Variants in ATP8B4 observed in about 807,000 individuals in gnomAD.
ATP8B4 encodes ATPase phospholipid transporting 8B4 (putative), also known as probable phospholipid-transporting ATPase IM.
In ATP8B4, 133 loss-of-function variants were observed where a neutral mutation model predicts 145.6. The observed-to-expected ratio is 0.91, with a 90% CI of 0.79 to 1.05. ATP8B4 has a LOEUF of 1.05. ATP8B4 is among the 50% of genes least tolerant of loss of function. The pLI is 0.00. For missense variants in ATP8B4, 1,458 were observed against 1,425.2 expected, an observed-to-expected ratio of 1.02 and a Z score of -0.37; for synonymous variants, 507 against 492.9, an observed-to-expected ratio of 1.03 and a Z score of -0.38.
At chr15:50,007,648 G>T (rs193091907) in intron 7 of ATP8B4, among the ~76,000 whole-genome samples, 5 of 152,240 alleles carry the variant, frequency 3.3e-5, no homozygotes, top group Admixed American at 1.3e-4. Context: ...TCATGACCTG[G>T]TTTCCCCCAA....
At chr15:50,133,304 C>A (rs1432258155) in intron 1 of ATP8B4, among the ~76,000 whole-genome samples, 1 of 152,066 alleles carries the variant, frequency 6.6e-6, no homozygotes, top group Non-Finnish European at 1.5e-5. Context: ...ACTCACTGGG[C>A]ATAGTGGCCG....
At position 49,861,473 on chromosome 15, in the gene ATP8B4, T is replaced by TCTATCTATCTATCTACCTAC. The variant is rs1285604644; in HGVS notation, c.3297+771_3297+772insGTAGGTAGATAGATAGATAG. 5.3e-3 allele frequency among the ~76,000 whole-genome samples: 715 copies of TCTATCTATCTATCTACCTAC among 135,592 alleles called. 14 individuals are homozygous for TCTATCTATCTATCTACCTAC. The highest frequency in any genetic ancestry group is 0.02 in the African/African-American group (663 of 33,774). 89.0% of individuals were successfully genotyped at this position (135,592 alleles called of 152,430 possible). On this transcript the variant is annotated intron_variant, in intron 27 of 27. Transcript: ENST00000284509. ...GTCTGTCTATCTATCTATCTATCTA[T>TCTATCTATCTATCTACCTAC]CTACCTACCTACCTACCTACCTACC... is the stretch of plus-strand genomic sequence containing the variant.
chr15:50,121,649 G>A (rs1040255671), upstream of ATP8B4, among the ~76,000 whole-genome samples: 7 of 151,598 alleles, frequency 4.6e-5, no homozygotes, highest in African/African-American at 1.7e-4. Flanking sequence ...TTAAATTCTC[G>A]ATTTAGGATA....
chr15:50,117,406 T>A (rs1167635508), intron 1 of ATP8B4, among the ~76,000 whole-genome samples: 1 of 152,172 alleles, frequency 6.6e-6, no homozygotes, highest in Non-Finnish European at 1.5e-5. Flanking sequence ...TACTTTTAGA[T>A]GGTTAGTTAA....
At chr15:50,055,303 T>A (rs928935265) in intron 3 of ATP8B4, among the ~76,000 whole-genome samples, 1 of 152,194 alleles carries the variant, frequency 6.6e-6, no homozygotes, top group African/African-American at 2.4e-5. Context: ...CTAAGTCAAT[T>A]TGAGTTGGTT....
At chr15:49,973,495 G>C (rs1337164353) in intron 12 of ATP8B4, among the ~76,000 whole-genome samples, 1 of 152,174 alleles carries the variant, frequency 6.6e-6, no homozygotes, top group Non-Finnish European at 1.5e-5. Flanking sequence ...TTTGCCAAAA[G>C]AGATAGAAAA....
At chr15:49,978,120 G>T (rs74349500) in intron 12 of ATP8B4, among the ~76,000 whole-genome samples, 1 of 152,142 alleles carries the variant, frequency 6.6e-6, no homozygotes, top group African/African-American at 2.4e-5. Flanking sequence ...GTACTTCAAA[G>T]AAAGAATGTA....
intron 24 of ATP8B4, chr15:49,876,783 C>A: frequency 4.9e-6 from 3 of 617,020 alleles, no homozygotes; most frequent in African/African-American, 1.8e-5. Flanking sequence ...GTAGCAGAAC[C>A]AGGGCTTGGT....
intron 9 of ATP8B4, among the ~76,000 whole-genome samples, chr15:49,993,803 A>G (rs576113652): frequency 6.6e-6 from 1 of 152,284 alleles, no homozygotes; most frequent in Non-Finnish European, 1.5e-5. Context: ...CCAGAAGTGT[A>G]CCAGCCTCAT....
chr15:49,865,706 T>C (rs1174545672), intron 26 of ATP8B4, among the ~76,000 whole-genome samples: 1 of 152,228 alleles, frequency 6.6e-6, no homozygotes, highest in African/African-American at 2.4e-5. Flanking sequence ...AAGTCTTCTG[T>C]GTTGCTTGCT....
rs2031201995 is a variant in ATP8B4, at chr15:49,859,248, A to ATTTTAAAATAATTGTTTTAAAAT, written c.*945_*946insATTTTAAAACAATTATTTTAAAA. 1 of 152,262 alleles carries ATTTTAAAATAATTGTTTTAAAAT rather than the reference A, an allele frequency of 6.6e-6. No homozygotes were observed. The highest frequency in any genetic ancestry group is 6.5e-5 in the Admixed American group (1 of 15,290). The allele number at this position is 152,262 out of a possible 1,614,324, so 9.4% of individuals were successfully genotyped here. On this transcript the variant is annotated 3_prime_UTR_variant, in exon 28 of 28. Coordinates refer to ENST00000284509, the MANE Select transcript of ATP8B4 (RefSeq NM_024837.4). ...AAACCTGAGTTTTTAAATAGTAATT[A>ATTTTAAAATAATTGTTTTAAAAT]AAACAATTATTTATTAATTTGTTTG...
At chr15:49,931,019 T>C in intron 16 of ATP8B4, 100 bp downstream of exon 16, 1 of 1,312,612 alleles carries the variant, frequency 7.6e-7, no homozygotes, top group South Asian at 1.5e-5. Flanking sequence ...TTCAAAACTA[T>C]CACAACCCTC....
chr15:49,956,253 C>G (rs1334806593), intron 14 of ATP8B4, among the ~76,000 whole-genome samples: 2 of 151,964 alleles, frequency 1.3e-5, no homozygotes, highest in Non-Finnish European at 2.9e-5. Context: ...ACACTTTATC[C>G]AAGTATATGA....
At chr15:50,023,757 C>A (rs1425484909) in intron 6 of ATP8B4, among the ~76,000 whole-genome samples, 1 of 122,772 alleles carries the variant, frequency 8.1e-6, no homozygotes, top group African/African-American at 3.0e-5. Flanking sequence ...CCTCTGCACC[C>A]ACAAAAAATT....
At chr15:50,144,320 C>T (rs555634410) in intron 1 of ATP8B4, among the ~76,000 whole-genome samples, 7 of 152,260 alleles carry the variant, frequency 4.6e-5, no homozygotes, top group Admixed American at 1.3e-4. Context: ...TTTGCATTCA[C>T]AGTGTATTAG....
At position 50,075,940 on chromosome 15, in the gene ATP8B4, G is replaced by T. The variant is rs189340090; in HGVS notation, c.29-1755C>A. Among the ~76,000 whole-genome samples, 235 of 152,316 alleles carry T rather than the reference G, an allele frequency of 1.5e-3. No homozygotes were observed. In the Middle Eastern group the frequency reaches 0.031, roughly 20 times the overall value. On this transcript the variant is annotated intron_variant, in intron 2 of 27. Transcript: ENST00000284509. ...AAAAAATGTTACTGGGATGGTAGGA[G>T]CGAGGGCTCTTCCTGCATGGCAAAA...
intron 3 of ATP8B4, among the ~76,000 whole-genome samples, chr15:50,057,796 G>A (rs1056036871): frequency 1.3e-5 from 2 of 152,150 alleles, no homozygotes; most frequent in Non-Finnish European, 2.9e-5. Context: ...GCTAGTAAAT[G>A]GCCTAGGAAT....
chr15:49,981,209 T>C lies in ATP8B4; in HGVS notation c.834A>G (p.Leu278=), dbSNP rs757005760. The change falls in exon 11 of 28, where the codon CTA becomes CTG. Residue 278 remains leucine, a synonymous_variant. Transcript: ENST00000284509. ...ATTGCCTAGTTTTGTAACTTACCCATAGTACTAGAGTATTCATCAATCTAT... is the reference window on the plus strand; with the variant it reads ...ATTGCCTAGTTTTGTAACTTACCCACAGTACTAGAGTATTCATCAATCTAT... ...SIDRLMNTLV[L]WIFGFLICLG... 1.3e-6 allele frequency: 2 copies of C among 1,584,776 alleles called. No individual in the cohort carries two copies.
chr15:50,145,227 AT>A, intron 1 of ATP8B4, among the ~76,000 whole-genome samples: 1 of 152,330 alleles, frequency 6.6e-6, no homozygotes, highest in Middle Eastern at 3.4e-3. Context: ...CAATAAAGAG[AT>A]TTTAATTAAC....
Sources: gnomAD v4.1 joint callset for allele counts (sites outside exome capture counted in the v4.1 genomes callset) on GRCh38, gnomAD v4.1.1 for gene constraint, MANE v1.5 for transcripts, NCBI Gene and HGNC (gene_info 2026-07-23, HGNC 2026-07-21) for gene names.